The following AGAP1 variants were observed in gnomAD, a reference collection of about 807,000 sequenced individuals.
AGAP1 encodes the protein ArfGAP with GTPase domain, ankyrin repeat and PH domain 1.
Under a neutral mutation model 105.3 loss-of-function variants are expected in AGAP1, and 29 were observed. The ratio of observed to expected loss-of-function variants is 0.28; its 90% CI spans 0.21 to 0.38. The LOEUF is 0.38. Among genes scored for constraint, AGAP1 ranks in the 10% least tolerant of loss-of-function variants. AGAP1 has a pLI of 1.00. For synonymous variants in AGAP1, 509 were observed against 485.9 expected (o/e 1.05, Z -0.63); for missense variants, 998 against 1,165.1 (o/e 0.86, Z 2.09).
At chr2:235,745,705 G>A (rs141456807) in intron 5 of AGAP1, among the ~76,000 whole-genome samples, 2 of 152,190 alleles carry the variant, frequency 1.3e-5, no homozygotes, top group East Asian at 1.9e-4. Flanking sequence ...GATGTGAGAC[G>A]CTTCTCTTTA....
At position 236,050,428 on chromosome 2, in the gene AGAP1, G is replaced by A. The variant is rs781442986; in HGVS notation, c.2114+1147G>A. ...GTTTAAAATTGCATGGTTTTGATAC[G>A]CGACCTCTTTATGAGTTATGCTCTA... On this transcript the variant is annotated intron_variant, in intron 16 of 17. Coordinates refer to ENST00000304032, the MANE Select transcript of AGAP1 (RefSeq NM_001037131.3). This position sits in a 1 kb window ranked among gnomAD's most constrained non-coding sequence, Gnocchi z 4.0. 1.3e-5 allele frequency among the ~76,000 whole-genome samples: 2 copies of A among 152,148 alleles called. No individual in the cohort carries two copies. The highest frequency in any genetic ancestry group is 2.9e-5 in the Non-Finnish European group (2 of 68,026).
intron 1 of AGAP1, among the ~76,000 whole-genome samples, chr2:235,697,770 C>T (rs1481296826): frequency 1.3e-5 from 2 of 152,146 alleles, no homozygotes; most frequent in African/African-American, 2.4e-5. Flanking sequence ...GTTTATAATT[C>T]TTTCTGGAAT....
chr2:235,522,453 A>G (rs925623840), intron 1 of AGAP1, among the ~76,000 whole-genome samples: 2 of 152,052 alleles, frequency 1.3e-5, no homozygotes, highest in Non-Finnish European at 2.9e-5. Context: ...AGGAGGCGTG[A>G]TGGTGGTGAT....
At position 235,700,286 on chromosome 2, in the gene AGAP1, A is replaced by G. The variant is rs1460856463; in HGVS notation, c.164-8893A>G. Among the ~76,000 whole-genome samples the G allele has an allele frequency of 6.6e-6, 1 of 152,182 alleles. No homozygotes were observed. Among genetic ancestry groups the G allele is most frequent in the Non-Finnish European group, 1.5e-5 (1 of 68,024 alleles). ...CAGGAGAGCTGTGCTCCACTCCTCA[A>G]GGCTGTAGGTGGGCCTCTGTTTTCA... is the stretch of plus-strand genomic sequence containing the variant. On this transcript the variant is annotated intron_variant, in intron 1 of 17. Coordinates refer to ENST00000304032, the MANE Select transcript of AGAP1 (RefSeq NM_001037131.3). The surrounding 1 kb of genome is among the most constrained non-coding windows in gnomAD (Gnocchi z 6.1).
chr2:235,864,312 C>G lies in AGAP1; in HGVS notation c.1051-19033C>G, dbSNP rs1459357375. On this transcript the variant is annotated intron_variant, in intron 9 of 17. Coordinates refer to ENST00000304032, the MANE Select transcript of AGAP1 (RefSeq NM_001037131.3). The surrounding 1 kb of genome is among the most constrained non-coding windows in gnomAD (Gnocchi z 5.0). The stretch of plus-strand genomic sequence containing the variant: ...ATCATGTGAAGGGGTTCGGCTCACT[C>G]TGTGGCCGGCCTGGAGGCCTGGGTG... 6.6e-6 allele frequency among the ~76,000 whole-genome samples: 1 copy of G among 152,250 alleles called. No individual in the cohort carries two copies. The highest frequency in any genetic ancestry group is 2.4e-5 in the African/African-American group (1 of 41,458).
At position 236,092,234 on chromosome 2, in the gene AGAP1, C is replaced by T. The variant is rs968309146; in HGVS notation, c.2115-27958C>T. On this transcript the variant is annotated intron_variant, in intron 16 of 17. Coordinates refer to ENST00000304032, the MANE Select transcript of AGAP1 (RefSeq NM_001037131.3). The surrounding 1 kb of genome is among the most constrained non-coding windows in gnomAD (Gnocchi z 4.7). ...AACCAATTCCATGGACACATAAATA[C>T]AAATGACCACAAGGAAAATCGGAAA... is the stretch of plus-strand genomic sequence containing the variant. Among the ~76,000 whole-genome samples the T allele has an allele frequency of 6.6e-6, 1 of 152,114 alleles. No homozygotes were observed. Among genetic ancestry groups the T allele is most frequent in the Non-Finnish European group, 1.5e-5 (1 of 68,014 alleles).
chr2:235,939,599 A>G (rs905910199), intron 12 of AGAP1, among the ~76,000 whole-genome samples: 1 of 151,850 alleles, frequency 6.6e-6, no homozygotes, highest in Admixed American at 6.6e-5. Flanking sequence ...TACCACCCAC[A>G]TTCTCTTCAA....
At chr2:235,941,161 A>C (rs965241472) in intron 12 of AGAP1, among the ~76,000 whole-genome samples, 1 of 152,240 alleles carries the variant, frequency 6.6e-6, no homozygotes, top group African/African-American at 2.4e-5. Flanking sequence ...TTTATGGCAG[A>C]AAACACTGGC....
intron 1 of AGAP1, among the ~76,000 whole-genome samples, chr2:235,570,427 G>A (rs1022312613): frequency 6.6e-6 from 1 of 152,236 alleles, no homozygotes; most frequent in African/African-American, 2.4e-5. Flanking sequence ...GTTATAATGT[G>A]TGAGAGAGTC....
intron 16 of AGAP1, among the ~76,000 whole-genome samples, chr2:236,071,293 G>A (rs1331484966): frequency 6.6e-6 from 1 of 152,218 alleles, no homozygotes; most frequent in Non-Finnish European, 1.5e-5. Context: ...TGAACTGTCT[G>A]GGACAGTCAT....
intron 1 of AGAP1, chr2:235,670,308 A>G (rs1263024877): frequency 4.3e-6 from 2 of 460,668 alleles, no homozygotes; most frequent in Non-Finnish European, 7.6e-6. Context: ...GGGAGGCTTG[A>G]GGAGGAGGCC....
At position 235,753,737 on chromosome 2, in the gene AGAP1, T is replaced by C. The variant is rs10193315; in HGVS notation, c.673+3249T>C. 0.021 allele frequency among the ~76,000 whole-genome samples: 3,163 copies of C among 152,146 alleles called. 93 individuals are homozygous for C. Among genetic ancestry groups the C allele is most frequent in the African/African-American group, 0.066 (2,720 of 41,494 alleles). ...AAAAAAAAGTAGGATTTTATGGAAT[T>C]TGAAAAGCAAATACCTGTGAAGCTA... is the stretch of plus-strand genomic sequence containing the variant. On this transcript the variant is annotated intron_variant, in intron 6 of 17. Coordinates refer to ENST00000304032, the MANE Select transcript of AGAP1 (RefSeq NM_001037131.3). This position sits in a 1 kb window ranked among gnomAD's most constrained non-coding sequence, Gnocchi z 4.5.
chr2:235,503,881 C>T (rs1941671439), intron 1 of AGAP1, among the ~76,000 whole-genome samples: 1 of 152,152 alleles, frequency 6.6e-6, no homozygotes, highest in South Asian at 2.1e-4. Context: ...CAGGCATGAG[C>T]CACTGTGCCT....
rs1461256959 is a variant in AGAP1 at position 235,659,138 on chromosome 2, C to T, written c.164-50041C>T. On this transcript the variant is annotated intron_variant, in intron 1 of 17. Transcript: ENST00000304032. This position sits in a 1 kb window ranked among gnomAD's most constrained non-coding sequence, Gnocchi z 5.0. ...GGGGAAGGCCCTGGAGCTGGATTCC[C>T]ACACCCTGCCGAGTTTGTGCGTTTC... Among the ~76,000 whole-genome samples the T allele has an allele frequency of 6.6e-6, 1 of 152,234 alleles. No individual in the cohort carries two copies. Among genetic ancestry groups the T allele is most frequent in the Non-Finnish European group, 1.5e-5 (1 of 68,040 alleles).
chr2:236,107,013 AG>A (rs1315771275), intron 16 of AGAP1, among the ~76,000 whole-genome samples: 4 of 152,144 alleles, frequency 2.6e-5, no homozygotes, highest in African/African-American at 9.7e-5. Flanking sequence ...CACCCTGGGT[AG>A]GGTCTGGACC....
intron 16 of AGAP1, among the ~76,000 whole-genome samples, chr2:236,091,751 A>G (rs1220835124): frequency 6.6e-6 from 1 of 152,224 alleles, no homozygotes. Flanking sequence ...CAGCCTGGGC[A>G]ACAGAGCAAG....
intron 1 of AGAP1, among the ~76,000 whole-genome samples, chr2:235,648,015 T>C (rs915440620): frequency 6.6e-6 from 1 of 152,166 alleles, no homozygotes; most frequent in Non-Finnish European, 1.5e-5. Flanking sequence ...TGTGGCTTCT[T>C]GAGGACCTTC....
At chr2:236,112,718 G>C (rs889281381) in intron 16 of AGAP1, among the ~76,000 whole-genome samples, 1 of 152,210 alleles carries the variant, frequency 6.6e-6, no homozygotes, top group Non-Finnish European at 1.5e-5. Flanking sequence ...ACACGCACAC[G>C]CACAGAACGC....
chr2:235,740,328 A>G lies in AGAP1; in HGVS notation c.311-635A>G, dbSNP rs1952507081. Among the ~76,000 whole-genome samples the G allele has an allele frequency of 6.6e-6, 1 of 151,200 alleles. No homozygotes were observed. The highest frequency in any genetic ancestry group is 2.4e-5 in the African/African-American group (1 of 41,108). On this transcript the variant is annotated intron_variant, in intron 3 of 17. Coordinates refer to ENST00000304032, the MANE Select transcript of AGAP1 (RefSeq NM_001037131.3). The surrounding 1 kb of genome is among the most constrained non-coding windows in gnomAD (Gnocchi z 5.7). Reference sequence around the variant, plus strand: ...TGCAGGGTCCCGGTGGTCTCCCGCTAACCCCGCGTGGTCTCTAACGCCTCC... The same window carrying G: ...TGCAGGGTCCCGGTGGTCTCCCGCTGACCCCGCGTGGTCTCTAACGCCTCC...
Sources: allele counts gnomAD v4.1 joint callset (sites outside exome capture counted in the v4.1 genomes callset), GRCh38; gene constraint gnomAD v4.1.1; non-coding constraint Gnocchi (gnomAD v3.1); transcripts MANE v1.5; gene names NCBI Gene and HGNC (gene_info 2026-07-23, HGNC 2026-07-21).